The following FANCI variants were observed in gnomAD, a reference collection of about 807,000 sequenced individuals.
FANCI encodes FA complementation group I.
A neutral mutation model predicts 176.1 loss-of-function variants in FANCI; 156 were observed. The observed-to-expected ratio is 0.89, with a 90% CI of 0.78 to 1.01. The LOEUF (loss-of-function observed/expected upper bound fraction) is 1.01. Ranked by LOEUF, FANCI falls within the 50% of genes least tolerant of loss-of-function variation. The probability of loss-of-function intolerance (pLI) is 0.00; values close to 1 mark genes in which losing one functional copy is unlikely to be tolerated. For synonymous variants in FANCI, 613 were observed against 541.7 expected, an observed-to-expected ratio of 1.13 and a Z score of -1.83; for missense variants, 1,678 against 1,534.1, an observed-to-expected ratio of 1.09 and a Z score of -1.57.
chr15:89,270,244 C>T (rs1171859332), intron 10 of FANCI, among the ~76,000 whole-genome samples: 1 of 152,144 alleles, frequency 6.6e-6, no homozygotes, highest in Non-Finnish European at 1.5e-5. Context: ...CTGTTCTGTG[C>T]ATTACATCAG....
intron 17 of FANCI, among the ~76,000 whole-genome samples, chr15:89,284,159 A>C (rs933192305): frequency 3.3e-5 from 5 of 152,186 alleles, no homozygotes; most frequent in Non-Finnish European, 7.3e-5. Context: ...CTCTGAGGCT[A>C]GATACTATTA....
At chr15:89,273,926 G>A (rs2053304624) in intron 11 of FANCI, among the ~76,000 whole-genome samples, 1 of 152,012 alleles carries the variant, frequency 6.6e-6, no homozygotes, top group Admixed American at 6.6e-5. Context: ...TCTTAAGGAA[G>A]GCTTGTCTTC....
intron 14 of FANCI, among the ~76,000 whole-genome samples, chr15:89,279,790 T>C (rs1486853816): frequency 5.3e-5 from 8 of 152,154 alleles, no homozygotes; most frequent in Admixed American, 1.3e-4. Flanking sequence ...CCTCATACTG[T>C]CATTGTTTCT....
intron 36 of FANCI, 71 bp from the exon 37 acceptor site, chr15:89,315,211 A>G (rs980332022): frequency 1.2e-5 from 14 of 1,163,364 alleles, no homozygotes; most frequent in Non-Finnish European, 1.6e-5. Context: ...GAGGTGAACT[A>G]AAAATGGCTT....
intron 32 of FANCI, 149 bp downstream of exon 32, chr15:89,306,343 T>C: frequency 1.2e-6 from 1 of 806,850 alleles, no homozygotes; most frequent in Non-Finnish European, 2.1e-6. Context: ...CATTTTAGTT[T>C]GGTCAGTAGG....
In FANCI at chr15:89,311,111, T is replaced by C. The variant is rs569545550; in HGVS notation, c.3652-1793T>C. On this transcript the variant is annotated intron_variant, in intron 34 of 37. Coordinates refer to ENST00000310775, the MANE Select transcript of FANCI (RefSeq NM_001113378.2). ...TTTCTACTAAAAAAAATACAAAAAT[T>C]AGCTGGGCATGGTGGCAGGCGCCTG... Among the ~76,000 whole-genome samples the C allele has an allele frequency of 9.2e-4, 140 of 151,626 alleles. 1 individual carries two copies. Among genetic ancestry groups the C allele is most frequent in the African/African-American group, 3.3e-3 (134 of 41,216 alleles).
intron 23 of FANCI, 94 bp downstream of exon 23, chr15:89,294,091 A>G: frequency 1.4e-6 from 2 of 1,392,620 alleles, no homozygotes; most frequent in African/African-American, 1.4e-5. Flanking sequence ...GATTGTTTAC[A>G]GTAAGAAATA....
rs1596307878 is a variant in FANCI at position 89,295,105 on chromosome 15, C to G, written c.2636+11C>G. 1.3e-6 allele frequency: 2 copies of G among 1,550,072 alleles called. No homozygotes were observed. The highest frequency in any genetic ancestry group is 2.0e-5 in the Admixed American group (1 of 50,390). ...CTGTGACATAACTCGGTAAGCCACT[C>G]CCACCCCTTAGAAACTTATTCCACT... On this transcript the variant is annotated intron_variant, in intron 24 of 37. Transcript: ENST00000310775.
intron 19 of FANCI, 38 bp downstream of exon 19, chr15:89,290,319 A>G: frequency 6.7e-7 from 1 of 1,486,882 alleles, no homozygotes; most frequent in Non-Finnish European, 9.4e-7. Context: ...AAAACAGACC[A>G]TCAAGGATCG....
intron 2 of FANCI, among the ~76,000 whole-genome samples, chr15:89,252,708 C>G (rs979729121): frequency 5.9e-5 from 9 of 152,196 alleles, no homozygotes; most frequent in African/African-American, 2.2e-4. Context: ...CCACTGTACT[C>G]CAGCCTGGGC....
At chr15:89,299,013 A>T (rs1485208750) in intron 24 of FANCI, among the ~76,000 whole-genome samples, 7 of 152,062 alleles carry the variant, frequency 4.6e-5, no homozygotes, top group Admixed American at 3.9e-4. Flanking sequence ...TCTACTAAAA[A>T]AAATACAAAA....
At chr15:89,300,761 T>C (rs1253291202) in intron 26 of FANCI, among the ~76,000 whole-genome samples, 6 of 152,252 alleles carry the variant, frequency 3.9e-5, no homozygotes, top group Non-Finnish European at 2.9e-5. Flanking sequence ...TTCTAACCAA[T>C]AGTTGTCAAA....
intron 11 of FANCI, 29 bp from the exon 12 acceptor site, chr15:89,274,139 T>C: frequency 6.8e-7 from 1 of 1,473,382 alleles, no homozygotes. Flanking sequence ...TATTTATTTT[T>C]TCATTTATTT....
At position 89,276,955 on chromosome 15, in the gene FANCI, T is replaced by A. The variant is rs939545332; in HGVS notation, c.1293+64T>A. The A allele has an allele frequency of 3.2e-6, 5 of 1,566,326 alleles. No homozygotes were observed. In the African/African-American group the frequency reaches 6.8e-5, roughly 21 times the overall value. On this transcript the variant is annotated intron_variant, in intron 13 of 37. Coordinates refer to ENST00000310775, the MANE Select transcript of FANCI (RefSeq NM_001113378.2). ...TAAATAATCCAAGTAGGGCTTGGCATTTGCCTGGGAGTTTGGTGGACAAGG... is the reference window on the plus strand; with the variant it reads ...TAAATAATCCAAGTAGGGCTTGGCAATTGCCTGGGAGTTTGGTGGACAAGG...
chr15:89,266,124 G>A (rs970047592), intron 9 of FANCI, among the ~76,000 whole-genome samples: 35 of 147,458 alleles, frequency 2.4e-4, no homozygotes, highest in African/African-American at 8.7e-4. Context: ...TGCTTCCCAA[G>A]TAGCTGGGAC....
At chr15:89,253,720 C>G (rs2052367055) in intron 2 of FANCI, among the ~76,000 whole-genome samples, 1 of 139,990 alleles carries the variant, frequency 7.1e-6, no homozygotes, top group Non-Finnish European at 1.5e-5. Context: ...AAATGGCAAA[C>G]TGGGAAAAAA....
At chr15:89,305,959 T>C in intron 31 of FANCI, 48 bp from the exon 32 acceptor site, 2 of 1,592,498 alleles carry the variant, frequency 1.3e-6, no homozygotes, top group Non-Finnish European at 1.7e-6. Context: ...TTACTCTTAA[T>C]TAGAAAACGA....
At chr15:89,262,440 AGG>A in intron 6 of FANCI, among the ~76,000 whole-genome samples, 1 of 152,194 alleles carries the variant, frequency 6.6e-6, no homozygotes, top group Non-Finnish European at 1.5e-5. Context: ...ATGTAAGTTA[AGG>A]TAGAGCCACT....
At chr15:89,288,823 A>G (rs898436169) in intron 18 of FANCI, among the ~76,000 whole-genome samples, 5 of 151,618 alleles carry the variant, frequency 3.3e-5, no homozygotes, top group African/African-American at 9.7e-5. Flanking sequence ...AACCTTTTGT[A>G]GAGACAGGGT....
Sources: gnomAD v4.1 joint callset for allele counts (sites outside exome capture counted in the v4.1 genomes callset) on GRCh38, gnomAD v4.1.1 for gene constraint, MANE v1.5 for transcripts, NCBI Gene and HGNC (gene_info 2026-07-23, HGNC 2026-07-21) for gene names.